The following AK9 variants were observed in gnomAD, a reference collection of about 807,000 sequenced individuals.
AK9 encodes the protein adenylate kinase domain containing 1.
AK9 carries 191 observed loss-of-function variants against 239.6 expected under a neutral mutation model. The observed-to-expected ratio is 0.80, with a 90% confidence interval of 0.71 to 0.90. The LOEUF (loss-of-function observed/expected upper bound fraction) is 0.90, where lower values mean the gene tolerates loss of function less well. Among genes scored for constraint, AK9 ranks in the 40% least tolerant of loss-of-function variants. The pLI is 0.00. For synonymous variants in AK9, 689 were observed against 721.0 expected, an observed-to-expected ratio of 0.96 and a Z score of 0.71; for missense variants, 1,995 against 2,214.7, an observed-to-expected ratio of 0.90 and a Z score of 1.99.
chr6:109,545,878 T>C lies in AK9; in HGVS notation c.3214A>G (p.Thr1072Ala). ...QANVKVEEENTKKQLPEVQLT... is the reference protein window; with the variant it reads ...QANVKVEEENAKKQLPEVQLT... Reference sequence around the variant, plus strand: ...AAAGAGATTACTACCTGCTTTTTTGTATTTTCTTCCTCAACTTTGACATTG... The same window carrying C: ...AAAGAGATTACTACCTGCTTTTTTGCATTTTCTTCCTCAACTTTGACATTG... Residue 1072 changes from threonine to alanine, a missense_variant, in exon 26 of 41, where the codon ACA becomes GCA. Physicochemically the swap from Thr to Ala is moderately conservative, Grantham distance 58. This residue lies in a region of AK9 where 1,290 missense variants were observed against 1,392.7 expected (regional missense o/e 0.93). Coordinates refer to ENST00000424296, the MANE Select transcript of AK9 (RefSeq NM_001145128.3). 1 of 1,591,382 alleles carries C rather than the reference T, an allele frequency of 6.3e-7. No individual in the cohort carries two copies. Among genetic ancestry groups the C allele is most frequent in the Non-Finnish European group, 8.5e-7 (1 of 1,173,694 alleles).
intron 31 of AK9, among the ~76,000 whole-genome samples, chr6:109,515,639 G>A (rs921860044): frequency 6.6e-6 from 1 of 152,264 alleles, no homozygotes; most frequent in African/African-American, 2.4e-5. Flanking sequence ...TCAGGGGGAG[G>A]TAGGGGTGTC....
intron 12 of AK9, chr6:109,632,272 C>T: frequency 1.0e-6 from 1 of 985,498 alleles, no homozygotes; most frequent in Non-Finnish European, 1.2e-6. Context: ...GCCTGAATTG[C>T]TCTGTCTTTA....
chr6:109,643,925 C>T (rs893502953), intron 9 of AK9, among the ~76,000 whole-genome samples: 2 of 152,196 alleles, frequency 1.3e-5, no homozygotes, highest in East Asian at 1.9e-4. Context: ...AACATAGTTT[C>T]AGACTGGTGG....
intron 2 of AK9, among the ~76,000 whole-genome samples, chr6:109,674,729 C>T (rs1411549286): frequency 2.0e-5 from 3 of 152,120 alleles, no homozygotes; most frequent in Non-Finnish European, 4.4e-5. Flanking sequence ...GATAAAAGGT[C>T]GTTTTGATGA....
intron 27 of AK9, among the ~76,000 whole-genome samples, chr6:109,540,317 C>T (rs967855018): frequency 6.6e-6 from 1 of 152,216 alleles, no homozygotes; most frequent in African/African-American, 2.4e-5. Flanking sequence ...TGCCCCTCCC[C>T]CAGCCTCGCT....
intron 5 of AK9, among the ~76,000 whole-genome samples, chr6:109,664,943 G>A (rs563941192): frequency 1.3e-5 from 2 of 151,848 alleles, no homozygotes; most frequent in African/African-American, 4.8e-5. Flanking sequence ...GGGAGGCTGA[G>A]GCAGGAGAAT....
Position 109,606,253 on chromosome 6 carries a change from AATAGATAGATAG to A in AK9, c.1842+4100_1842+4111del, listed in dbSNP as rs57376541. 6.5e-3 allele frequency among the ~76,000 whole-genome samples: 968 copies of A among 148,242 alleles called. 8 individuals are homozygous for A. Among genetic ancestry groups the A allele is most frequent in the African/African-American group, 0.022 (879 of 40,066 alleles). ...TTTACTTTATATTTTATCACTTGTG[AATAGATAGATAG>A]ATAGATAGATAGATAGATAGATAGA... On this transcript the variant is annotated intron_variant, in intron 17 of 40. Transcript: ENST00000424296.
rs758174718 is a variant in AK9, at chr6:109,493,953, G to A, written c.5533+28C>T. 8 of 1,489,886 alleles carry A rather than the reference G, an allele frequency of 5.4e-6. No individual in the cohort carries two copies. The South Asian group carries it at 5.9e-5, about 11-fold the overall frequency. The allele number at this position is 1,489,886 out of a possible 1,614,324, so 92.3% of individuals were successfully genotyped here. A position where few individuals can be genotyped will look rare whatever the true frequency, so the allele number is the denominator to read the frequency against. On this transcript the variant is annotated intron_variant, in intron 40 of 40. Transcript: ENST00000424296. ...CTACCATTAATGTTAAATTTGTTCTGAGTAGTAAATAATTAAAAAAGACAT... is the reference window on the plus strand; with the variant it reads ...CTACCATTAATGTTAAATTTGTTCTAAGTAGTAAATAATTAAAAAAGACAT...
chr6:109,501,262 C>T (rs1777578655), intron 35 of AK9, among the ~76,000 whole-genome samples: 1 of 152,174 alleles, frequency 6.6e-6, no homozygotes, highest in Admixed American at 6.5e-5. Context: ...TGTCATGTCA[C>T]TTGATTGCCT....
At chr6:109,642,878 A>G (rs568138362) in intron 9 of AK9, among the ~76,000 whole-genome samples, 1 of 152,198 alleles carries the variant, frequency 6.6e-6, no homozygotes, top group Non-Finnish European at 1.5e-5. Flanking sequence ...GCAGCCATTA[A>G]GTATACAAGT....
intron 23 of AK9, 65 bp from the exon 24 acceptor site, chr6:109,563,777 T>G (rs1338651290): frequency 6.9e-7 from 1 of 1,446,444 alleles, no homozygotes; most frequent in East Asian, 2.5e-5. Flanking sequence ...CATATTACTA[T>G]AGTCAAATGT....
intron 27 of AK9, among the ~76,000 whole-genome samples, chr6:109,536,506 G>C (rs2128140007): frequency 6.6e-6 from 1 of 152,336 alleles, no homozygotes. Context: ...ATTTGGGGCT[G>C]AGATGATGGG....
chr6:109,516,497 A>G lies in AK9; in HGVS notation c.3779T>C (p.Ile1260Thr), dbSNP rs996396847. 2 of 1,551,768 alleles carry G rather than the reference A, an allele frequency of 1.3e-6. No homozygotes were observed. The highest frequency in any genetic ancestry group is 2.4e-5 in the East Asian group (1 of 40,898). ...TCCTAGTTCACCTCTCAGGCGCTCAATTGCATCAGTTTCCTGTTCTTCATC... is the reference window on the plus strand; with the variant it reads ...TCCTAGTTCACCTCTCAGGCGCTCAGTTGCATCAGTTTCCTGTTCTTCATC... ...EEDEEQETDAIERLRGELGEK... is the reference protein window; with the variant it reads ...EEDEEQETDATERLRGELGEK... Residue 1260 changes from isoleucine (I) to threonine (T), a missense_variant, in exon 30 of 41, where the codon ATT (isoleucine) becomes ACT (threonine). Around this residue, in one of 5 missense-constraint regions of AK9, gnomAD observed 1,290 missense variants for 1,392.7 expected, o/e 0.93. Transcript: ENST00000424296.
intron 29 of AK9, among the ~76,000 whole-genome samples, chr6:109,519,620 C>T (rs1447040119): frequency 2.0e-5 from 3 of 151,958 alleles, no homozygotes; most frequent in Non-Finnish European, 2.9e-5. Context: ...AATGGTTAAA[C>T]CCTGTCTCTC....
chr6:109,668,241 TG>T (rs1245207437), intron 5 of AK9, among the ~76,000 whole-genome samples: 1 of 151,848 alleles, frequency 6.6e-6, no homozygotes, highest in Non-Finnish European at 1.5e-5. Flanking sequence ...CACTTTTTGA[TG>T]GGGTTTTTTT....
intron 5 of AK9, among the ~76,000 whole-genome samples, chr6:109,667,526 A>G (rs554947768): frequency 7.9e-5 from 12 of 152,002 alleles, no homozygotes; most frequent in South Asian, 2.1e-4. Context: ...TACATTAGCT[A>G]TATCTCCTAA....
chr6:109,648,236 G>A (rs1444389388), intron 8 of AK9, among the ~76,000 whole-genome samples: 1 of 152,064 alleles, frequency 6.6e-6, no homozygotes, highest in Non-Finnish European at 1.5e-5. Context: ...ACATAACTAA[G>A]ATCAGAGCAG....
intron 2 of AK9, 122 bp from the exon 3 acceptor site, chr6:109,674,383 T>C: frequency 1.5e-6 from 1 of 689,602 alleles, no homozygotes; most frequent in East Asian, 3.0e-5. Flanking sequence ...ATTTTTCCCA[T>C]AAAAAATGAA....
chr6:109,547,437 G>A (rs866719398), intron 25 of AK9, among the ~76,000 whole-genome samples: 3 of 152,144 alleles, frequency 2.0e-5, no homozygotes, highest in Non-Finnish European at 2.9e-5. Context: ...CACCAAATAC[G>A]TGGAAGAAAG....
Sources: allele counts gnomAD v4.1 joint callset (sites outside exome capture counted in the v4.1 genomes callset), GRCh38; gene constraint gnomAD v4.1.1; regional missense constraint gnomAD v4.1.1; transcripts MANE v1.5; gene names NCBI Gene and HGNC (gene_info 2026-07-23, HGNC 2026-07-21).